The following NCAM1 variants were observed in gnomAD, a reference collection of about 807,000 sequenced individuals.
NCAM1 encodes the protein neural cell adhesion molecule 1, also known as antigen recognized by monoclonal antibody 5.1H11.
A neutral mutation model predicts 109.8 loss-of-function variants in NCAM1; 14 were observed. The ratio of observed to expected loss-of-function variants is 0.13; its 90% CI spans 0.08 to 0.20. The LOEUF is 0.20. NCAM1 is among the 10% of genes least tolerant of loss of function. NCAM1 has a pLI of 1.00. For synonymous variants in NCAM1, 418 were observed against 442.9 expected, an observed-to-expected ratio of 0.94 and a Z score of 0.70; for missense variants, 774 against 1,109.9, an observed-to-expected ratio of 0.70 and a Z score of 4.30.
At chr11:113,138,936 CT>C (rs1375424496) in intron 1 of NCAM1, among the ~76,000 whole-genome samples, 2 of 152,184 alleles carry the variant, frequency 1.3e-5, no homozygotes, top group African/African-American at 4.8e-5. Context: ...ACAGATGGCC[CT>C]CCAGTCTCTG....
At chr11:112,969,532 C>A (rs17114603) in intron 1 of NCAM1, among the ~76,000 whole-genome samples, 1 of 151,936 alleles carries the variant, frequency 6.6e-6, no homozygotes, top group African/African-American at 2.4e-5. Flanking sequence ...CTGAAGGAAC[C>A]GTCCTGCCAT....
At chr11:113,211,097 T>G (rs1944379943) in intron 7 of NCAM1, among the ~76,000 whole-genome samples, 1 of 152,162 alleles carries the variant, frequency 6.6e-6, no homozygotes, top group Non-Finnish European at 1.5e-5. Context: ...GCCTTCCCAT[T>G]GGTTGAGGAA....
intron 1 of NCAM1, among the ~76,000 whole-genome samples, chr11:113,135,637 G>T (rs960020722): frequency 6.6e-6 from 1 of 152,208 alleles, no homozygotes; most frequent in African/African-American, 2.4e-5. Context: ...TTGCTTACCA[G>T]TGCTTTTGTG....
chr11:112,968,958 C>A (rs1054548536), intron 1 of NCAM1, among the ~76,000 whole-genome samples: 1 of 152,026 alleles, frequency 6.6e-6, no homozygotes, highest in African/African-American at 2.4e-5. Flanking sequence ...GTTATGAAGT[C>A]CAGGAAAATA....
At chr11:113,018,405 G>C (rs909868277) in intron 1 of NCAM1, among the ~76,000 whole-genome samples, 1 of 152,018 alleles carries the variant, frequency 6.6e-6, no homozygotes, top group Non-Finnish European at 1.5e-5. Context: ...TTTCTCAGCA[G>C]TATAACCTGT....
intron 1 of NCAM1, among the ~76,000 whole-genome samples, chr11:112,984,143 T>C (rs1359067524): frequency 6.6e-6 from 1 of 151,956 alleles, no homozygotes; most frequent in African/African-American, 2.4e-5. Context: ...CACATATAAA[T>C]GAGATCATGC....
intron 1 of NCAM1, among the ~76,000 whole-genome samples, chr11:113,083,507 A>G (rs1358651418): frequency 1.3e-5 from 2 of 152,192 alleles, no homozygotes; most frequent in African/African-American, 4.8e-5. Flanking sequence ...AAATGAATTA[A>G]CATTTATTTG....
intron 1 of NCAM1, among the ~76,000 whole-genome samples, chr11:112,995,864 A>G (rs1284276787): frequency 6.6e-6 from 1 of 152,180 alleles, no homozygotes; most frequent in Non-Finnish European, 1.5e-5. Context: ...CTGTTTGGCT[A>G]GTTCTATTGA....
chr11:113,090,823 G>C (rs1187116586), intron 1 of NCAM1, among the ~76,000 whole-genome samples: 1 of 151,876 alleles, frequency 6.6e-6, no homozygotes, highest in Non-Finnish European at 1.5e-5. Flanking sequence ...ACTGTCATTT[G>C]TTTGTTCAGC....
intron 1 of NCAM1, among the ~76,000 whole-genome samples, chr11:113,163,036 T>C (rs1364267403): frequency 3.9e-5 from 6 of 152,178 alleles, no homozygotes; most frequent in Non-Finnish European, 7.4e-5. Flanking sequence ...CTTAAGTATT[T>C]TTCAAGCTCT....
chr11:113,149,393 A>G (rs1444696794), intron 1 of NCAM1, among the ~76,000 whole-genome samples: 4 of 152,214 alleles, frequency 2.6e-5, no homozygotes, highest in Non-Finnish European at 5.9e-5. Context: ...CCCACTGGGA[A>G]ACCATTATAA....
chr11:113,083,271 T>C (rs1172714167), intron 1 of NCAM1, among the ~76,000 whole-genome samples: 3 of 152,204 alleles, frequency 2.0e-5, no homozygotes, highest in Non-Finnish European at 4.4e-5. Context: ...ACTTTTGTTA[T>C]GAAGAGACTC....
chr11:113,196,666 C>T (rs1555110882), intron 1 of NCAM1, among the ~76,000 whole-genome samples: 1 of 152,190 alleles, frequency 6.6e-6, no homozygotes, highest in Non-Finnish European at 1.5e-5. Flanking sequence ...GGTTAAATAA[C>T]TTGGCCAAGA....
chr11:113,242,685 G>A lies in NCAM1; in HGVS notation c.1826-3683G>A. 3.7e-6 allele frequency: 3 copies of A among 805,524 alleles called. No individual in the cohort carries two copies. In the South Asian group the frequency reaches 4.6e-5, roughly 12 times the overall value. The allele number at this position is 805,524 out of a possible 1,614,324, so 49.9% of individuals were successfully genotyped here. On this transcript the variant is annotated intron_variant, in intron 14 of 19. Coordinates refer to ENST00000316851, the MANE Select transcript of NCAM1 (RefSeq NM_181351.5). The stretch of plus-strand genomic sequence containing the variant: ...CCTCCTTCACCATCTTTATAATGAT[G>A]CCTACATATGTATAATATATACTCA...
chr11:113,050,349 C>T (rs12576197), intron 1 of NCAM1, among the ~76,000 whole-genome samples: 41,064 of 151,974 alleles, frequency 0.27, 6,327 homozygotes, highest in East Asian at 0.62. Context: ...CTGGCTCAGG[C>T]GCTGACTCAA....
intron 14 of NCAM1, chr11:113,246,092 A>G (rs528598510): frequency 1.2e-5 from 6 of 515,372 alleles, no homozygotes; most frequent in Non-Finnish European, 2.1e-5. Flanking sequence ...AATGCTCTTT[A>G]TGATTTATTA....
At chr11:113,254,481 C>A (rs915632349) in intron 15 of NCAM1, among the ~76,000 whole-genome samples, 1 of 152,192 alleles carries the variant, frequency 6.6e-6, no homozygotes, top group African/African-American at 2.4e-5. Flanking sequence ...GTCTAAAAAG[C>A]GCCCAGGTGA....
chr11:112,989,269 A>T (rs529918621), intron 1 of NCAM1, among the ~76,000 whole-genome samples: 1 of 152,174 alleles, frequency 6.6e-6, no homozygotes, highest in East Asian at 1.9e-4. Flanking sequence ...GGTGTCCCAT[A>T]GGCCCCTTAT....
Position 112,962,092 on chromosome 11 carries a change from C to T in NCAM1, c.52+428C>T, listed in dbSNP as rs1437634606. Among the ~76,000 whole-genome samples, 1 of 152,164 alleles carries T rather than the reference C, an allele frequency of 6.6e-6. No individual in the cohort carries two copies. The highest frequency in any genetic ancestry group is 2.4e-5 in the African/African-American group (1 of 41,438). ...CGAGGGGGAAGTGGCTTGTCAGCCC[C>T]GGCTCCGGGAAGAGTGAACAATAAG... On this transcript the variant is annotated intron_variant, in intron 1 of 19. Transcript: ENST00000316851. The surrounding 1 kb of genome is among the most constrained non-coding windows in gnomAD (Gnocchi z 5.6).
Sources: allele counts gnomAD v4.1 joint callset (sites outside exome capture counted in the v4.1 genomes callset), GRCh38; gene constraint gnomAD v4.1.1; non-coding constraint Gnocchi (gnomAD v3.1); transcripts MANE v1.5; gene names NCBI Gene and HGNC (gene_info 2026-07-23, HGNC 2026-07-21).